Variants in RNF38 observed in about 807,000 individuals in gnomAD.
The protein encoded by RNF38 is E3 ubiquitin-protein ligase RNF38.
In RNF38, 15 loss-of-function variants were observed where a neutral mutation model predicts 67.2. The ratio of observed to expected loss-of-function variants is 0.22; its 90% CI spans 0.15 to 0.34. The LOEUF is 0.34. Among genes scored for constraint, RNF38 ranks in the 10% least tolerant of loss-of-function variants. The probability of loss-of-function intolerance (pLI) is 1.00; values close to 1 mark genes in which losing one functional copy is unlikely to be tolerated. For synonymous variants in RNF38, 220 were observed against 218.8 expected, an observed-to-expected ratio of 1.01 and a Z score of -0.05; for missense variants, 524 against 639.9, an observed-to-expected ratio of 0.82 and a Z score of 1.95.
upstream of RNF38, among the ~76,000 whole-genome samples, chr9:36,402,395 A>G (rs1838069220): frequency 6.6e-6 from 1 of 151,872 alleles, no homozygotes; most frequent in Non-Finnish European, 1.5e-5. Context: ...CTTTAAGTTT[A>G]TCCAATGTAT....
chr9:36,487,629 G>A (rs1363878738), upstream of RNF38: 3 of 962,556 alleles, frequency 3.1e-6, no homozygotes, highest in South Asian at 4.6e-5. Context: ...CTGGGCCCCG[G>A]CCGGCAGCAG....
At chr9:36,487,339 A>G in exon 1 of RNF38, 1 of 984,838 alleles carries the variant, frequency 1.0e-6, no homozygotes, top group Non-Finnish European at 1.2e-6. Context: ...AGGCGCCGCC[A>G]CCCTGGGCTC....
At chr9:36,462,890 G>A (rs1300677747) in intron 1 of RNF38, among the ~76,000 whole-genome samples, 1 of 151,874 alleles carries the variant, frequency 6.6e-6, no homozygotes, top group Non-Finnish European at 1.5e-5. Flanking sequence ...GGCCAGGCTG[G>A]TCTCCAACTC....
At chr9:36,403,589 C>T (rs537324429), upstream of RNF38, among the ~76,000 whole-genome samples, 1 of 152,160 alleles carries the variant, frequency 6.6e-6, no homozygotes, top group African/African-American at 2.4e-5. Context: ...TCCAGAGCTA[C>T]CCAAGTCATT....
intron 11 of RNF38, 67 bp downstream of exon 11, chr9:36,342,258 A>C (rs899984638): frequency 2.4e-5 from 26 of 1,101,840 alleles, no homozygotes; most frequent in Non-Finnish European, 3.6e-5. Context: ...CTATGAACTT[A>C]CTCTAATCCA....
At chr9:36,401,164 G>A (rs1389953985), upstream of RNF38, 2 of 984,576 alleles carry the variant, frequency 2.0e-6, no homozygotes, top group African/African-American at 3.5e-5. Context: ...CGCACCGCGC[G>A]CCGAACCCCC....
rs370695717 is a variant in RNF38 at position 36,464,539 on chromosome 9, C to A, written n.241+22769G>T. ...TAAGCTGAGATCGCGCCACTGTACT[C>A]CAGCCTGGGTGACAGAGTGAGACTC... On this transcript the variant is annotated intron_variant and non_coding_transcript_variant, in intron 1 of 3. Transcript: ENST00000488058. Among the ~76,000 whole-genome samples, 136 of 151,744 alleles carry A rather than the reference C, an allele frequency of 9.0e-4. 1 individual carries two copies. The highest frequency in any genetic ancestry group is 6.8e-3 in the Middle Eastern group (2 of 294).
chr9:36,387,084 C>T (rs764559700), intron 2 of RNF38, among the ~76,000 whole-genome samples: 2 of 152,098 alleles, frequency 1.3e-5, no homozygotes, highest in Non-Finnish European at 2.9e-5. Context: ...ATTACAGGTG[C>T]GAGCCACCGT....
intron 1 of RNF38, among the ~76,000 whole-genome samples, chr9:36,393,411 T>C (rs1423005019): frequency 1.3e-5 from 2 of 151,454 alleles, no homozygotes; most frequent in African/African-American, 2.4e-5. Context: ...GACAAAACCA[T>C]AGATGGGCTT....
intron 10 of RNF38, among the ~76,000 whole-genome samples, chr9:36,343,896 C>T (rs1336872858): frequency 1.3e-5 from 2 of 152,092 alleles, no homozygotes; most frequent in South Asian, 2.1e-4. Context: ...AGAAATATGA[C>T]GAGTGTTGCC....
At chr9:36,390,701 T>C in intron 1 of RNF38, 85 bp from the exon 2 acceptor site, 2 of 1,357,658 alleles carry the variant, frequency 1.5e-6, no homozygotes, top group Non-Finnish European at 2.0e-6. Context: ...GTCTGGATTT[T>C]CTAGGTATTT....
At chr9:36,424,403 G>C (rs533645602) in intron 2 of RNF38, among the ~76,000 whole-genome samples, 2 of 152,234 alleles carry the variant, frequency 1.3e-5, no homozygotes, top group South Asian at 4.2e-4. Flanking sequence ...TTGATCAAAA[G>C]TCCAACCCAC....
intron 2 of RNF38, among the ~76,000 whole-genome samples, chr9:36,408,029 T>C (rs1046124686): frequency 2.6e-5 from 4 of 152,192 alleles, no homozygotes; most frequent in African/African-American, 7.2e-5. Context: ...TTTCTAGAAG[T>C]AGAATTGCTG....
chr9:36,372,465 G>GT (rs995686637), intron 3 of RNF38: 8 of 658,126 alleles, frequency 1.2e-5, no homozygotes, highest in African/African-American at 1.8e-5. Flanking sequence ...CACTTCATTC[G>GT]TTTTTTTCAA....
At chr9:36,480,960 A>G (rs1367842921) in intron 1 of RNF38, among the ~76,000 whole-genome samples, 1 of 151,214 alleles carries the variant, frequency 6.6e-6, no homozygotes, top group Non-Finnish European at 1.5e-5. Context: ...TCTTATTTCT[A>G]TACATATTTT....
At chr9:36,476,383 A>G (rs1840121039) in intron 1 of RNF38, among the ~76,000 whole-genome samples, 1 of 152,110 alleles carries the variant, frequency 6.6e-6, no homozygotes, top group Non-Finnish European at 1.5e-5. Flanking sequence ...AAGTGCTAGG[A>G]TTATAGGCAT....
chr9:36,475,701 G>A (rs1420665892), intron 1 of RNF38, among the ~76,000 whole-genome samples: 3 of 150,678 alleles, frequency 2.0e-5, no homozygotes, highest in South Asian at 2.1e-4. Context: ...CAGTAAAATA[G>A]AGACAGGGGT....
rs1008886092 is a variant in RNF38, at chr9:36,482,263, G to A, written n.241+5045C>T. On this transcript the variant is annotated intron_variant and non_coding_transcript_variant, in intron 1 of 3. Transcript: ENST00000488058. The stretch of plus-strand genomic sequence containing the variant: ...AAACAGGCTTTCTCCACGTTGGCCA[G>A]GCTGGTCTCGAACTCCTGACCTCAG... 2.0e-5 allele frequency among the ~76,000 whole-genome samples: 3 copies of A among 151,742 alleles called. No homozygotes were observed. The South Asian group carries it at 6.2e-4, about 31-fold the overall frequency.
chr9:36,434,673 G>GCCAC lies in RNF38; in HGVS notation n.242-9994_242-9991dup, dbSNP rs1839021752. Reference sequence around the variant, plus strand: ...CAAAGTGCTGGGATTACAGGCATGAGCCACCGTGCCCAGCCTACATGTAAC... The same window carrying GCCAC: ...CAAAGTGCTGGGATTACAGGCATGAGCCACCCACCGTGCCCAGCCTACATGTAAC... On this transcript the variant is annotated intron_variant and non_coding_transcript_variant, in intron 1 of 3. Transcript: ENST00000488058. Among the ~76,000 whole-genome samples, 5 of 152,304 alleles carry GCCAC rather than the reference G, an allele frequency of 3.3e-5. No individual in the cohort carries two copies. The South Asian group carries it at 1.0e-3, about 32-fold the overall frequency.
Sources: allele counts gnomAD v4.1 joint callset (sites outside exome capture counted in the v4.1 genomes callset), GRCh38; gene constraint gnomAD v4.1.1; transcripts MANE v1.5; gene names NCBI Gene and HGNC (gene_info 2026-07-23, HGNC 2026-07-21).